Variants in ANK1 observed in about 807,000 individuals in gnomAD.
The protein encoded by ANK1 is ankyrin 1, also known as ankyrin-1.
A neutral mutation model predicts 210.4 loss-of-function variants in ANK1; 51 were observed. That is an observed-to-expected ratio of 0.24 (90% CI 0.19 to 0.31). The LOEUF (loss-of-function observed/expected upper bound fraction) is 0.31, where lower values mean the gene tolerates loss of function less well. Ranked by LOEUF, ANK1 falls within the 10% of genes least tolerant of loss-of-function variation. The pLI, the probability that ANK1 is intolerant of heterozygous loss-of-function variation, is 1.00. For missense variants in ANK1, 2,051 were observed against 2,504.4 expected (o/e 0.82, Z 3.86); for synonymous variants, 967 against 1,025.9 (o/e 0.94, Z 1.10).
chr8:41,738,031 C>T (rs886144980), intron 2 of ANK1, among the ~76,000 whole-genome samples: 5 of 152,074 alleles, frequency 3.3e-5, no homozygotes, highest in African/African-American at 1.2e-4. Context: ...AATGCAAAAT[C>T]ATGTGAAAAA....
Position 41,668,249 on chromosome 8 carries a change from C to T in ANK1, c.5394+18G>A, listed in dbSNP as rs957052421. 6.2e-7 allele frequency: 1 copy of T among 1,614,042 alleles called. No individual in the cohort carries two copies. Among genetic ancestry groups the T allele is most frequent in the African/African-American group, 1.3e-5 (1 of 74,952 alleles). Reference sequence around the variant, plus strand: ...GCTGGGAAGGAACAGCAGCACGCAGCTCCCCTCGGGCTCTCACCTGCACCA... The same window carrying T: ...GCTGGGAAGGAACAGCAGCACGCAGTTCCCCTCGGGCTCTCACCTGCACCA... On this transcript the variant is annotated intron_variant, in intron 39 of 42. Transcript: ENST00000289734.
chr8:41,783,979 G>T (rs187314573), intron 1 of ANK1, among the ~76,000 whole-genome samples: 15 of 151,728 alleles, frequency 9.9e-5, no homozygotes, highest in African/African-American at 3.6e-4. Flanking sequence ...AGCCCAGGAG[G>T]TCGCGGCTGC....
chr8:41,695,070 T>G, intron 27 of ANK1, 107 bp downstream of exon 27: 1 of 1,483,536 alleles, frequency 6.7e-7, no homozygotes, highest in Non-Finnish European at 9.3e-7. Context: ...TCTCAGCCTC[T>G]TGGGGCTTCC....
At chr8:41,689,618 T>C (rs531485677) in intron 33 of ANK1, among the ~76,000 whole-genome samples, 10 of 152,256 alleles carry the variant, frequency 6.6e-5, no homozygotes, top group African/African-American at 1.9e-4. Context: ...TGGAGACGTA[T>C]GATCCCTCCA....
At chr8:41,801,523 T>C (rs1849857851), upstream of ANK1, among the ~76,000 whole-genome samples, 1 of 152,214 alleles carries the variant, frequency 6.6e-6, no homozygotes, top group Admixed American at 6.5e-5. Flanking sequence ...TCAACAACAT[T>C]TGGTATTGTC....
intron 1 of ANK1, among the ~76,000 whole-genome samples, chr8:41,777,578 T>C (rs906027906): frequency 9.2e-5 from 14 of 151,868 alleles, no homozygotes; most frequent in Non-Finnish European, 2.1e-4. Context: ...CAAGACTCCG[T>C]CTCAAAAAAA....
intron 17 of ANK1, among the ~76,000 whole-genome samples, chr8:41,708,242 A>G (rs1825212192): frequency 6.6e-6 from 1 of 152,172 alleles, no homozygotes; most frequent in Non-Finnish European, 1.5e-5. Context: ...CATTCCTTTG[A>G]GAAGCTGAGA....
chr8:41,800,550 G>A (rs998088683), upstream of ANK1, among the ~76,000 whole-genome samples: 2 of 152,198 alleles, frequency 1.3e-5, no homozygotes, highest in African/African-American at 4.8e-5. Context: ...ATAGTGTCAT[G>A]TGCCCATGAC....
intron 1 of ANK1, among the ~76,000 whole-genome samples, chr8:41,846,452 T>G (rs557169663): frequency 6.6e-6 from 1 of 152,338 alleles, no homozygotes; most frequent in South Asian, 2.1e-4. Flanking sequence ...CTGCAGCTCG[T>G]GCAGACGTGT....
At chr8:41,714,439 G>C (rs1421751641) in intron 15 of ANK1, among the ~76,000 whole-genome samples, 185 bp from the exon 16 acceptor site, 2 of 152,222 alleles carry the variant, frequency 1.3e-5, no homozygotes, top group African/African-American at 2.4e-5. Flanking sequence ...GTGGGAACAG[G>C]GGGGAACGTG....
intron 1 of ANK1, chr8:41,896,225 C>A: frequency 7.7e-7 from 1 of 1,305,256 alleles, no homozygotes; most frequent in Non-Finnish European, 9.9e-7. Context: ...GAGCCTTCCC[C>A]GCTCGGGTGC....
At chr8:41,858,275 G>A (rs1299066419) in intron 1 of ANK1, among the ~76,000 whole-genome samples, 4 of 151,208 alleles carry the variant, frequency 2.6e-5, no homozygotes, top group Non-Finnish European at 5.9e-5. Flanking sequence ...TTGCACTCAG[G>A]AGGCAGTGGT....
In ANK1 at chr8:41,668,275, C is replaced by T. The variant is rs1235475100; in HGVS notation, c.5386G>A (p.Val1796Met). The change falls in exon 39 of 43, where the codon GTG becomes ATG. Residue 1796 changes from valine (V) to methionine (M), a missense_variant. Physicochemically the swap from Val to Met is conservative, Grantham distance 21. Transcript: ENST00000289734. ...VQEAKNTFTQ[V>M]VQGNEFQNIP... ...TCCCCTCGGGCTCTCACCTGCACCACTTGGGTGAAGGTGTTCTTGGCCTCC... is the reference window on the plus strand; with the variant it reads ...TCCCCTCGGGCTCTCACCTGCACCATTTGGGTGAAGGTGTTCTTGGCCTCC... The T allele has an allele frequency of 1.2e-6, 2 of 1,614,110 alleles. No homozygotes were observed. The highest frequency in any genetic ancestry group is 1.3e-5 in the African/African-American group (1 of 74,936).
At chr8:41,768,795 C>T (rs1236258267) in intron 1 of ANK1, among the ~76,000 whole-genome samples, 2 of 64,042 alleles carry the variant, frequency 3.1e-5, no homozygotes, top group East Asian at 4.6e-4. Context: ...GACCCCCTGT[C>T]TCCACAAAAA....
rs554236090 is a variant in ANK1, at chr8:41,868,998, A to G, written c.126+27357T>C. Among the ~76,000 whole-genome samples, 10 of 152,312 alleles carry G rather than the reference A, an allele frequency of 6.6e-5. No homozygotes were observed. In the East Asian group the frequency reaches 1.9e-3, roughly 29 times the overall value. On this transcript the variant is annotated intron_variant, in intron 1 of 42. Coordinates refer to the ANK1 transcript ENST00000265709. ...TAAAGGGGAATATTTACGTAAAACC[A>G]TTTCCTATTCGTTGGCAAGATTAAA...
chr8:41,837,801 G>T (rs539826140), intron 1 of ANK1, among the ~76,000 whole-genome samples: 17 of 152,254 alleles, frequency 1.1e-4, no homozygotes, highest in African/African-American at 4.1e-4. Context: ...AACCCAGGAG[G>T]CAGAGGTTGC....
chr8:41,843,348 C>G (rs1809373247), intron 1 of ANK1, among the ~76,000 whole-genome samples: 1 of 152,162 alleles, frequency 6.6e-6, no homozygotes, highest in Non-Finnish European at 1.5e-5. Flanking sequence ...ATTGAATCTG[C>G]TCCATCTTAC....
chr8:41,839,641 T>C (rs1211741111), intron 1 of ANK1, among the ~76,000 whole-genome samples: 1 of 152,196 alleles, frequency 6.6e-6, no homozygotes, highest in Non-Finnish European at 1.5e-5. Context: ...ACTGTGGGAC[T>C]TCATCCGCTT....
chr8:41,809,159 A>T (rs1186669566), intron 1 of ANK1, among the ~76,000 whole-genome samples: 1 of 151,968 alleles, frequency 6.6e-6, no homozygotes, highest in Non-Finnish European at 1.5e-5. Context: ...CTTTGATCTC[A>T]TGCCTTACGG....
Sources: gnomAD v4.1 joint callset for allele counts (sites outside exome capture counted in the v4.1 genomes callset) on GRCh38, gnomAD v4.1.1 for gene constraint, MANE v1.5 for transcripts, NCBI Gene and HGNC (gene_info 2026-07-23, HGNC 2026-07-21) for gene names.